The following GSKIP variants were observed in gnomAD, a reference collection of about 807,000 sequenced individuals.
GSKIP encodes GSK3B interacting protein, also known as GSK3B-interacting protein.
In GSKIP, 5 loss-of-function variants were observed where a neutral mutation model predicts 11.9. That is an observed-to-expected ratio of 0.42 (90% CI 0.22 to 0.89). The LOEUF is 0.89. Ranked by LOEUF, GSKIP falls within the 40% of genes least tolerant of loss-of-function variation. The pLI is 0.29. For synonymous variants in GSKIP, 70 were observed against 62.9 expected, an observed-to-expected ratio of 1.11 and a Z score of -0.54; for missense variants, 150 against 166.6, an observed-to-expected ratio of 0.90 and a Z score of 0.55.
chr14:96,374,758 G>T (rs1889149850), intron 1 of GSKIP, among the ~76,000 whole-genome samples: 1 of 152,072 alleles, frequency 6.6e-6, no homozygotes, highest in Non-Finnish European at 1.5e-5. Flanking sequence ...ATGAAAAGGA[G>T]ACTAGTTCAG....
At chr14:96,374,382 T>G (rs1049175971) in intron 1 of GSKIP, among the ~76,000 whole-genome samples, 3 of 152,132 alleles carry the variant, frequency 2.0e-5, no homozygotes, top group Non-Finnish European at 2.9e-5. Flanking sequence ...CCAAATTTGT[T>G]GAAAACTCTA....
At chr14:96,377,810 A>G (rs945287996) in intron 1 of GSKIP, among the ~76,000 whole-genome samples, 1 of 152,192 alleles carries the variant, frequency 6.6e-6, no homozygotes, top group Non-Finnish European at 1.5e-5. Context: ...ATCCGGAAGT[A>G]GTTGGACAAA....
At chr14:96,371,264 G>T (rs2139931436) in intron 1 of GSKIP, among the ~76,000 whole-genome samples, 1 of 152,232 alleles carries the variant, frequency 6.6e-6, no homozygotes, top group African/African-American at 2.4e-5. Context: ...GATGCTACCA[G>T]TTATTTTAAG....
chr14:96,366,276 A>G (rs1299920922), intron 1 of GSKIP, among the ~76,000 whole-genome samples: 7 of 152,042 alleles, frequency 4.6e-5, no homozygotes, highest in Non-Finnish European at 8.8e-5. Context: ...TTATTAAATA[A>G]GTGGTTTCCT....
intron 1 of GSKIP, among the ~76,000 whole-genome samples, chr14:96,369,074 A>G (rs1264364309): frequency 6.6e-6 from 1 of 152,186 alleles, no homozygotes; most frequent in Non-Finnish European, 1.5e-5. Context: ...TCTTATTGGG[A>G]ATTGGAGCAA....
intron 1 of GSKIP, among the ~76,000 whole-genome samples, chr14:96,374,355 TA>T (rs1243950082): frequency 2.2e-4 from 33 of 152,046 alleles, no homozygotes; most frequent in East Asian, 7.7e-4. Context: ...TTTGAAGAAA[TA>T]ATGGCCAGAA....
chr14:96,378,490 G>C (rs1020427299), intron 1 of GSKIP, among the ~76,000 whole-genome samples: 2 of 152,218 alleles, frequency 1.3e-5, no homozygotes, highest in Non-Finnish European at 2.9e-5. Flanking sequence ...GAAGCCTCTA[G>C]AAGGAATACA....
At chr14:96,383,740 T>C (rs1264465454) in intron 3 of GSKIP, among the ~76,000 whole-genome samples, 2 of 152,250 alleles carry the variant, frequency 1.3e-5, no homozygotes, top group African/African-American at 4.8e-5. Flanking sequence ...CCCTCACAGC[T>C]GCTGCAAAGA....
chr14:96,380,182 T>A (rs1440850057), intron 2 of GSKIP: 1 of 152,232 alleles, frequency 6.6e-6, no homozygotes, highest in African/African-American at 2.4e-5. Context: ...TAACTTCTGT[T>A]GTTTGTAGCG....
intron 1 of GSKIP, among the ~76,000 whole-genome samples, chr14:96,376,010 A>C (rs117990822): frequency 0.015 from 2,358 of 152,300 alleles, 30 homozygotes; most frequent in Middle Eastern, 0.037. Flanking sequence ...TTAAGGCTTC[A>C]CTTTTTGGTG....
intron 1 of GSKIP, among the ~76,000 whole-genome samples, chr14:96,376,304 A>G (rs761234448): frequency 5.9e-5 from 9 of 151,750 alleles, no homozygotes; most frequent in Non-Finnish European, 1.3e-4. Context: ...TAGCCCGACT[A>G]GTTCCTGCCA....
rs116920184 is a variant in GSKIP at position 96,378,374 on chromosome 14, T to G, written c.-102-1314T>G. 7.6e-4 allele frequency among the ~76,000 whole-genome samples: 115 copies of G among 152,020 alleles called. 1 individual carries two copies. In the East Asian group the frequency reaches 0.015, roughly 20 times the overall value. ...AAAAAAGGAAGAGCAGAAAAAGAAG[T>G]CATTTGAATGTTTTTATTATGTTAA... On this transcript the variant is annotated intron_variant, in intron 1 of 3. Coordinates refer to ENST00000555181, the MANE Select transcript of GSKIP (RefSeq NM_016472.5).
chr14:96,380,247 T>A (rs1157362202), intron 2 of GSKIP: 1 of 152,224 alleles, frequency 6.6e-6, no homozygotes, highest in African/African-American at 2.4e-5. Flanking sequence ...CTTTAAAACA[T>A]TATTAATTGA....
chr14:96,364,539 C>T (rs1368507968), intron 1 of GSKIP: 1 of 152,164 alleles, frequency 6.6e-6, no homozygotes, highest in Non-Finnish European at 1.5e-5. Context: ...GGAAATACAG[C>T]CCAAAATATT....
At chr14:96,378,748 T>G (rs753649442) in intron 1 of GSKIP, among the ~76,000 whole-genome samples, 1 of 152,246 alleles carries the variant, frequency 6.6e-6, no homozygotes, top group African/African-American at 2.4e-5. Flanking sequence ...AGGGCTGTTA[T>G]AGAGCTAAAT....
intron 2 of GSKIP, among the ~76,000 whole-genome samples, chr14:96,380,833 A>G (rs1284077173): frequency 6.6e-6 from 1 of 152,180 alleles, no homozygotes; most frequent in Non-Finnish European, 1.5e-5. Context: ...GTGAATAACC[A>G]CTGCACGCCA....
rs758231984 is a variant in GSKIP, at chr14:96,382,242, T to C, written c.-1-5T>C. 17 of 1,526,138 alleles carry C rather than the reference T, an allele frequency of 1.1e-5. No homozygotes were observed. The East Asian group carries it at 3.7e-4, about 33-fold the overall frequency. 94.5% of individuals were successfully genotyped at this position (1,526,138 alleles called of 1,614,324 possible). A position where few individuals can be genotyped will look rare whatever the true frequency, so the allele number is the denominator to read the frequency against. On this transcript the variant is annotated splice_polypyrimidine_tract_variant and splice_region_variant and intron_variant, in intron 2 of 3. Coordinates refer to ENST00000555181, the MANE Select transcript of GSKIP (RefSeq NM_016472.5). Reference sequence around the variant, plus strand: ...TTTTATAACTGCTTTTTTTTTTTTTTACAGAATGGAAACAGACTGTAATCC... The same window carrying C: ...TTTTATAACTGCTTTTTTTTTTTTTCACAGAATGGAAACAGACTGTAATCC...
At chr14:96,375,747 A>G (rs1016129112) in intron 1 of GSKIP, among the ~76,000 whole-genome samples, 1 of 152,146 alleles carries the variant, frequency 6.6e-6, no homozygotes, top group East Asian at 1.9e-4. Context: ...TTTATTTCTT[A>G]TAGTAATGGA....
intron 1 of GSKIP, among the ~76,000 whole-genome samples, chr14:96,366,970 A>G (rs1274576569): frequency 6.6e-6 from 1 of 152,220 alleles, no homozygotes; most frequent in Non-Finnish European, 1.5e-5. Context: ...CGACGCTGTC[A>G]GGGCTCCACA....
Sources: allele counts gnomAD v4.1 joint callset (sites outside exome capture counted in the v4.1 genomes callset), GRCh38; gene constraint gnomAD v4.1.1; transcripts MANE v1.5; gene names NCBI Gene and HGNC (gene_info 2026-07-23, HGNC 2026-07-21).